The following TAFA5 variants were observed in gnomAD, a reference collection of about 807,000 sequenced individuals.
TAFA5 encodes chemokine-like protein TAFA-5.
Under a neutral mutation model 15.3 loss-of-function variants are expected in TAFA5, and 6 were observed. The ratio of observed to expected loss-of-function variants is 0.39; its 90% CI spans 0.21 to 0.77. The LOEUF is 0.77. Ranked by LOEUF, TAFA5 falls within the 30% of genes least tolerant of loss-of-function variation. The pLI, the probability that TAFA5 is intolerant of heterozygous loss-of-function variation, is 0.41. For missense variants in TAFA5, 161 were observed against 193.1 expected, an observed-to-expected ratio of 0.83 and a Z score of 0.98; for synonymous variants, 103 against 80.7, an observed-to-expected ratio of 1.28 and a Z score of -1.48.
At chr22:48,735,209 C>G (rs1322397909) in intron 3 of TAFA5, among the ~76,000 whole-genome samples, 2 of 152,182 alleles carry the variant, frequency 1.3e-5, no homozygotes, top group Non-Finnish European at 2.9e-5. Context: ...GGGATCCTAC[C>G]AAGGAGCTGG....
At chr22:48,633,606 C>T (rs1368981713) in intron 1 of TAFA5, among the ~76,000 whole-genome samples, 1 of 149,712 alleles carries the variant, frequency 6.7e-6, no homozygotes, top group Non-Finnish European at 1.5e-5. Context: ...CCTCTCTCTG[C>T]ATCTTTCTTG....
chr22:48,716,089 T>A (rs1929393537), intron 3 of TAFA5, among the ~76,000 whole-genome samples: 1 of 152,238 alleles, frequency 6.6e-6, no homozygotes, highest in Non-Finnish European at 1.5e-5. Flanking sequence ...GCCTCTGTTC[T>A]GTTTCATTGG....
intron 3 of TAFA5, among the ~76,000 whole-genome samples, chr22:48,709,101 A>G (rs979419278): frequency 3.9e-5 from 6 of 152,122 alleles, no homozygotes; most frequent in African/African-American, 1.2e-4. Flanking sequence ...GACCTCTTGC[A>G]TTTGTGGAAG....
intron 1 of TAFA5, chr22:48,576,273 C>T (rs1341428439): frequency 1.3e-5 from 11 of 824,828 alleles, no homozygotes; most frequent in Non-Finnish European, 1.4e-5. Context: ...CGGCGCCCCC[C>T]TCCCCCCGCC....
intron 2 of TAFA5, among the ~76,000 whole-genome samples, chr22:48,703,988 C>T (rs930120405): frequency 6.6e-6 from 1 of 152,202 alleles, no homozygotes; most frequent in Non-Finnish European, 1.5e-5. Flanking sequence ...TAGGGCAGAA[C>T]AGGACAGGCA....
chr22:48,742,491 G>A lies in TAFA5; in HGVS notation c.391-7348G>A, dbSNP rs1450025970. On this transcript the variant is annotated intron_variant, in intron 3 of 3. Coordinates refer to ENST00000402357, the MANE Select transcript of TAFA5 (RefSeq NM_001082967.3). This position sits in a 1 kb window ranked among gnomAD's most constrained non-coding sequence, Gnocchi z 6.2. The stretch of plus-strand genomic sequence containing the variant: ...CGGAGCTGGCGGCGCAGTGGAGCGG[G>A]CGTTGTGGTGGACCCGGTGGCGTGG... Among the ~76,000 whole-genome samples the A allele has an allele frequency of 6.6e-6, 1 of 152,188 alleles. No individual in the cohort carries two copies. The highest frequency in any genetic ancestry group is 2.4e-5 in the African/African-American group (1 of 41,442).
chr22:48,577,652 G>A (rs1280471925), intron 1 of TAFA5, among the ~76,000 whole-genome samples: 2 of 152,218 alleles, frequency 1.3e-5, no homozygotes, highest in East Asian at 3.9e-4. Context: ...ATGAGCCGCC[G>A]GAGGCCTGGG....
At chr22:48,587,185 A>AC (rs1924392302) in intron 1 of TAFA5, among the ~76,000 whole-genome samples, 1 of 152,092 alleles carries the variant, frequency 6.6e-6, no homozygotes, top group East Asian at 1.9e-4. Context: ...ATTTGGGGTG[A>AC]CCTTCTGTGT....
rs1297907201 is a variant in TAFA5 at position 48,528,297 on chromosome 22, G to A, written c.112+38593G>A. On this transcript the variant is annotated intron_variant, in intron 1 of 3. Transcript: ENST00000402357. ...GAGTTGCGGTGAGGACTCCAGTAGG[G>A]CCTTGGGGCATGAGTCGGTGCCACC... is the stretch of plus-strand genomic sequence containing the variant. Among the ~76,000 whole-genome samples the A allele has an allele frequency of 2.0e-5, 3 of 152,192 alleles. No homozygotes were observed. The East Asian group carries it at 5.8e-4, about 29-fold the overall frequency.
At chr22:48,635,882 T>C (rs896640611) in intron 1 of TAFA5, among the ~76,000 whole-genome samples, 2 of 152,220 alleles carry the variant, frequency 1.3e-5, no homozygotes. Flanking sequence ...TTATTTGTAG[T>C]GTCATCTTCT....
chr22:48,520,472 A>G (rs944012542), intron 1 of TAFA5, among the ~76,000 whole-genome samples: 1 of 152,192 alleles, frequency 6.6e-6, no homozygotes, highest in Middle Eastern at 3.2e-3. Flanking sequence ...GAAGTGGCCA[A>G]CTGCCATCTG....
At chr22:48,667,087 A>AGGTAG (rs4043689) in intron 2 of TAFA5, among the ~76,000 whole-genome samples, 58,996 of 151,474 alleles carry the variant, frequency 0.39, 12,243 homozygotes, top group East Asian at 0.84. Flanking sequence ...CTACTTGGAG[A>AGGTAG]GGTAGCACCC....
chr22:48,648,314 C>T (rs1041654363), intron 2 of TAFA5, among the ~76,000 whole-genome samples: 5 of 152,176 alleles, frequency 3.3e-5, no homozygotes, highest in African/African-American at 1.2e-4. Flanking sequence ...TTTCCTCCCC[C>T]ACTCCCCCTG....
rs570715032 is a variant in TAFA5 at position 48,563,500 on chromosome 22, T to C, written c.112+73796T>C. Among the ~76,000 whole-genome samples, 13 of 152,312 alleles carry C rather than the reference T, an allele frequency of 8.5e-5. No individual in the cohort carries two copies. In the South Asian group the frequency reaches 2.7e-3, roughly 32 times the overall value. On this transcript the variant is annotated intron_variant, in intron 1 of 3. Transcript: ENST00000402357. The stretch of plus-strand genomic sequence containing the variant: ...TCTGAAGGCGGGTGGCGTGTGGGGC[T>C]CCTCTTGTCTCTATATGGGAAGAGG...
At chr22:48,734,652 A>G (rs1046031751) in intron 3 of TAFA5, among the ~76,000 whole-genome samples, 1 of 152,262 alleles carries the variant, frequency 6.6e-6, no homozygotes, top group East Asian at 1.9e-4. Context: ...AAGTCCCAGC[A>G]CATAAGTAAA....
At chr22:48,516,016 G>T (rs133502) in intron 1 of TAFA5, among the ~76,000 whole-genome samples, 1 of 151,622 alleles carries the variant, frequency 6.6e-6, no homozygotes, top group East Asian at 2.0e-4. Context: ...CCTGTGCGCC[G>T]CCTTCACCGC....
chr22:48,505,923 C>A (rs1038736597), intron 1 of TAFA5, among the ~76,000 whole-genome samples: 1 of 152,218 alleles, frequency 6.6e-6, no homozygotes, highest in Admixed American at 6.5e-5. Context: ...GCTGGCACGG[C>A]GTGGTCCAAG....
chr22:48,562,477 G>A (rs939637300), intron 1 of TAFA5, among the ~76,000 whole-genome samples: 2 of 152,194 alleles, frequency 1.3e-5, no homozygotes, highest in African/African-American at 2.4e-5. Context: ...GGGCACAGGA[G>A]GGTCACTGAA....
rs150602890 is a variant in TAFA5, at chr22:48,628,016, G to A, written c.113-18581G>A. On this transcript the variant is annotated intron_variant, in intron 1 of 3. Coordinates refer to ENST00000402357, the MANE Select transcript of TAFA5 (RefSeq NM_001082967.3). ...AGTGTGGGGGAACCTTGCCCGGAGC[G>A]GAGGATGCGATCCTGGTCAGGCTGG... 2.0e-3 allele frequency among the ~76,000 whole-genome samples: 297 copies of A among 151,554 alleles called. 1 individual carries two copies. The highest frequency in any genetic ancestry group is 4.6e-3 in the Admixed American group (71 of 15,302).
Sources: allele counts gnomAD v4.1 joint callset (sites outside exome capture counted in the v4.1 genomes callset), GRCh38; gene constraint gnomAD v4.1.1; non-coding constraint Gnocchi (gnomAD v3.1); transcripts MANE v1.5; gene names NCBI Gene and HGNC (gene_info 2026-07-23, HGNC 2026-07-21).